Variants in DDC observed in about 807,000 individuals in gnomAD.
DDC encodes the protein dopa decarboxylase, also known as aromatic-L-amino-acid decarboxylase.
A neutral mutation model predicts 60.0 loss-of-function variants in DDC; 43 were observed. The observed-to-expected ratio is 0.72, with a 90% confidence interval of 0.56 to 0.92. The LOEUF (loss-of-function observed/expected upper bound fraction) is 0.92, where lower values mean the gene tolerates loss of function less well. Ranked by LOEUF, DDC falls within the 40% of genes least tolerant of loss-of-function variation. The pLI is 0.00. For missense variants in DDC, 573 were observed against 620.2 expected, an observed-to-expected ratio of 0.92 and a Z score of 0.81; for synonymous variants, 232 against 234.6, an observed-to-expected ratio of 0.99 and a Z score of 0.10.
chr7:50,525,647 C>G (rs2044017351), intron 6 of DDC, among the ~76,000 whole-genome samples: 1 of 151,886 alleles, frequency 6.6e-6, no homozygotes, highest in African/African-American at 2.4e-5. Context: ...ACCTGTAATC[C>G]CAGCTACTTG....
intron 2 of DDC, chr7:50,543,369 C>T (rs2044697128): frequency 4.5e-6 from 1 of 222,818 alleles, no homozygotes; most frequent in African/African-American, 2.3e-5. Flanking sequence ...CCTCTGTGTA[C>T]CCCAGGCCTA....
At chr7:50,491,494 A>G (rs1223584715) in intron 9 of DDC, among the ~76,000 whole-genome samples, 1 of 152,212 alleles carries the variant, frequency 6.6e-6, no homozygotes, top group Non-Finnish European at 1.5e-5. Flanking sequence ...TTCTTCTAAA[A>G]TGCATTTTCT....
In DDC at chr7:50,479,815, A is replaced by G. The variant is rs778072349; in HGVS notation, c.993T>C (p.Thr331=). 3 of 1,613,788 alleles carry G rather than the reference A, an allele frequency of 1.9e-6. No homozygotes were observed. In the South Asian group the frequency reaches 3.3e-5, roughly 18 times the overall value. ...DLTGAFRLDP[T]YLKHSHQDSG... ...AATCCTGATGGCTGTGCTTCAGGTAAGTGGGGTCCAGTCTAAAGGCTCCCG... is the reference window on the plus strand; with the variant it reads ...AATCCTGATGGCTGTGCTTCAGGTAGGTGGGGTCCAGTCTAAAGGCTCCCG... Residue 331 remains threonine, a synonymous_variant, in exon 10 of 15, where the codon ACT becomes ACC. Coordinates refer to ENST00000444124, the MANE Select transcript of DDC (RefSeq NM_001082971.2).
At chr7:50,523,722 T>C (rs2153544621) in intron 6 of DDC, among the ~76,000 whole-genome samples, 1 of 152,338 alleles carries the variant, frequency 6.6e-6, no homozygotes, top group East Asian at 1.9e-4. Context: ...ATTGTGGGAA[T>C]GCAAAATGGT....
At chr7:50,502,672 G>A (rs1418381713) in intron 7 of DDC, among the ~76,000 whole-genome samples, 3 of 152,214 alleles carry the variant, frequency 2.0e-5, no homozygotes, top group Admixed American at 1.3e-4. Context: ...ATAAACGGTG[G>A]AGCATAAACC....
intron 7 of DDC, 91 bp from the exon 8 acceptor site, chr7:50,499,333 G>C: frequency 1.2e-6 from 1 of 808,506 alleles, no homozygotes; most frequent in South Asian, 1.4e-5. Context: ...CACCTTCTTG[G>C]GTAGAGCATG....
chr7:50,540,398 A>G (rs2044585591), intron 2 of DDC, among the ~76,000 whole-genome samples: 1 of 152,164 alleles, frequency 6.6e-6, no homozygotes, highest in Admixed American at 6.5e-5. Flanking sequence ...CTCGTCAGTG[A>G]AGGCGCTGCC....
intron 13 of DDC, among the ~76,000 whole-genome samples, chr7:50,465,800 G>A (rs1237849286): frequency 2.6e-5 from 4 of 152,260 alleles, no homozygotes; most frequent in African/African-American, 9.6e-5. Context: ...GACAGCAGAT[G>A]AGTCTAATAA....
chr7:50,492,945 C>T, intron 9 of DDC: 2 of 1,598,208 alleles, frequency 1.3e-6, no homozygotes. Context: ...AACTCCTTCT[C>T]ACCACCGCAC....
intron 6 of DDC, among the ~76,000 whole-genome samples, chr7:50,508,023 G>A (rs573339935): frequency 2.0e-5 from 3 of 152,348 alleles, no homozygotes; most frequent in East Asian, 3.9e-4. Context: ...CCACATGCTG[G>A]GCAAACAGGA....
At chr7:50,471,152 G>A (rs1293218202) in intron 11 of DDC, among the ~76,000 whole-genome samples, 1 of 152,204 alleles carries the variant, frequency 6.6e-6, no homozygotes, top group Non-Finnish European at 1.5e-5. Flanking sequence ...AGCACTTTGG[G>A]AGGCCAAGGC....
At chr7:50,460,095 C>T (rs1188679543) in intron 14 of DDC, among the ~76,000 whole-genome samples, 6 of 135,258 alleles carry the variant, frequency 4.4e-5, no homozygotes, top group South Asian at 2.4e-4. Context: ...CCGCCCCATC[C>T]GGGAGGTGAG....
intron 13 of DDC, among the ~76,000 whole-genome samples, chr7:50,466,345 C>T (rs995177997): frequency 2.0e-5 from 3 of 151,928 alleles, no homozygotes; most frequent in African/African-American, 4.8e-5. Context: ...ATTAGCTGGG[C>T]GTGGTGGCGC....
intron 8 of DDC, among the ~76,000 whole-genome samples, chr7:50,497,223 G>GAA (rs1294662466): frequency 6.6e-6 from 1 of 151,694 alleles, no homozygotes; most frequent in Admixed American, 6.6e-5. Context: ...GGCATGGAAA[G>GAA]AGTCGGGAGC....
At chr7:50,549,340 A>G (rs557556812) in intron 1 of DDC, among the ~76,000 whole-genome samples, 1 of 152,320 alleles carries the variant, frequency 6.6e-6, no homozygotes, top group African/African-American at 2.4e-5. Flanking sequence ...GAAAGAATTT[A>G]CTATTCTAGA....
intron 13 of DDC, 93 bp from the exon 14 acceptor site, chr7:50,463,524 C>CCGTA: frequency 9.3e-7 from 1 of 1,080,500 alleles, no homozygotes; most frequent in Non-Finnish European, 1.4e-6. Flanking sequence ...GGCAACCCTA[C>CCGTA]CGTACATCAG....
chr7:50,553,675 TG>T (rs1213238081), intron 1 of DDC, among the ~76,000 whole-genome samples: 1 of 151,848 alleles, frequency 6.6e-6, no homozygotes, highest in Non-Finnish European at 1.5e-5. Context: ...TTAGTAGAGA[TG>T]GGGTTTTACC....
intron 9 of DDC, among the ~76,000 whole-genome samples, chr7:50,493,548 A>G (rs2043056167): frequency 6.6e-6 from 1 of 152,198 alleles, no homozygotes; most frequent in African/African-American, 2.4e-5. Flanking sequence ...TTACCCCTCG[A>G]ATAAAGGGAC....
Position 50,539,970 on chromosome 7 carries a change from G to A in DDC, c.260C>T (p.Pro87Leu), listed in dbSNP as rs746244631. The A allele has an allele frequency of 6.2e-6, 10 of 1,614,010 alleles. No individual in the cohort carries two copies. The highest frequency in any genetic ancestry group is 3.3e-5 in the Admixed American group (2 of 60,020). ...GCACAGCATGTCCGCAAGCATGGCC[G>A]GGTACGAGCTGGCAGTGGGGAAGTA... The part of the protein sequence containing the change: ...FAYFPTASSY[P>L]AMLADMLCGA... Residue 87 changes from proline to leucine, a missense_variant, in exon 3 of 15, where the codon CCG becomes CTG. Transcript: ENST00000444124.
Sources: gnomAD v4.1 joint callset for allele counts (sites outside exome capture counted in the v4.1 genomes callset) on GRCh38, gnomAD v4.1.1 for gene constraint, MANE v1.5 for transcripts, NCBI Gene and HGNC (gene_info 2026-07-23, HGNC 2026-07-21) for gene names.